Variants in ME1 observed in about 807,000 individuals in gnomAD.
ME1 encodes the protein malic enzyme 1.
A neutral mutation model predicts 66.4 loss-of-function variants in ME1; 74 were observed. That is an observed-to-expected ratio of 1.11 (90% CI 0.92 to 1.35). The LOEUF is 1.35. Among genes scored for constraint, ME1 ranks in the 40% most tolerant of loss-of-function variants. The pLI is 0.00. For synonymous variants in ME1, 251 were observed against 235.6 expected (o/e 1.07, Z -0.60); for missense variants, 750 against 694.1 (o/e 1.08, Z -0.90).
chr6:83,418,301 G>C (rs2128553141), intron 1 of ME1, among the ~76,000 whole-genome samples: 1 of 152,262 alleles, frequency 6.6e-6, no homozygotes, highest in East Asian at 1.9e-4. Context: ...GCAAGCTAGA[G>C]ACCCAAGAGA....
intron 6 of ME1, among the ~76,000 whole-genome samples, chr6:83,305,864 C>G (rs1305980211): frequency 6.6e-5 from 10 of 152,076 alleles, no homozygotes; most frequent in African/African-American, 2.4e-4. Flanking sequence ...CTTTCCGCAT[C>G]TTTAATCTCT....
intron 6 of ME1, among the ~76,000 whole-genome samples, chr6:83,313,574 T>A (rs1767969255): frequency 6.6e-6 from 1 of 152,310 alleles, no homozygotes; most frequent in East Asian, 1.9e-4. Context: ...AAAGTTGTCT[T>A]ATTTAGATAG....
At chr6:83,314,136 T>C (rs758878122) in intron 6 of ME1, among the ~76,000 whole-genome samples, 2 of 152,158 alleles carry the variant, frequency 1.3e-5, no homozygotes. Context: ...GTCAGTGTGA[T>C]AAAATTCTCT....
intron 5 of ME1, among the ~76,000 whole-genome samples, chr6:83,319,108 A>T (rs1425759890): frequency 1.3e-5 from 2 of 148,672 alleles, no homozygotes; most frequent in African/African-American, 2.5e-5. Context: ...AACAATGAGA[A>T]CACATGGACA....
intron 6 of ME1, among the ~76,000 whole-genome samples, chr6:83,302,052 A>T (rs1242473629): frequency 1.3e-5 from 2 of 152,202 alleles, no homozygotes; most frequent in Admixed American, 6.5e-5. Context: ...GAATCAACCT[A>T]AATGCCCATC....
At chr6:83,236,054 A>G (rs997968943) in intron 9 of ME1, among the ~76,000 whole-genome samples, 7 of 152,232 alleles carry the variant, frequency 4.6e-5, no homozygotes, top group South Asian at 4.1e-4. Context: ...AATAAAAAAT[A>G]ATATATACTA....
At chr6:83,237,280 G>GAGAAAGAAAGAAAGA (rs1790426961) in intron 9 of ME1, among the ~76,000 whole-genome samples, 1 of 21,624 alleles carries the variant, frequency 4.6e-5, no homozygotes, top group African/African-American at 1.4e-4. Flanking sequence ...AGAAAGAAAG[G>GAGAAAGAAAGAAAGA]AAGGAAGGAA....
rs142360123 is a variant in ME1, at chr6:83,403,748, G to A, written c.212+4020C>T. Among the ~76,000 whole-genome samples the A allele has an allele frequency of 1.3e-3, 195 of 152,214 alleles. 1 individual carries two copies. The highest frequency in any genetic ancestry group is 1.5e-3 in the Admixed American group (23 of 15,276). ...TTCCCACTTATGAGTGAGAACATGT[G>A]GTGTTTAGTTTTCTGTTCCTATGTC... On this transcript the variant is annotated intron_variant, in intron 2 of 13. Coordinates refer to ENST00000369705, the MANE Select transcript of ME1 (RefSeq NM_002395.6).
chr6:83,281,514 A>C (rs1168063978), intron 6 of ME1, among the ~76,000 whole-genome samples: 2 of 152,240 alleles, frequency 1.3e-5, no homozygotes, highest in South Asian at 2.1e-4. Flanking sequence ...GAAAATCAAC[A>C]CAAACTTCCG....
intron 6 of ME1, among the ~76,000 whole-genome samples, chr6:83,302,003 G>A (rs970829087): frequency 3.3e-5 from 5 of 152,010 alleles, no homozygotes; most frequent in South Asian, 4.1e-4. Flanking sequence ...ACATGCACAC[G>A]TTGTTCACTC....
intron 3 of ME1, among the ~76,000 whole-genome samples, chr6:83,380,969 A>ATT (rs1221580103): frequency 6.6e-6 from 1 of 152,136 alleles, no homozygotes; most frequent in Non-Finnish European, 1.5e-5. Context: ...AATGTATTAG[A>ATT]TATAGTTCAT....
At chr6:83,321,517 T>C (rs973000948) in intron 5 of ME1, among the ~76,000 whole-genome samples, 8 of 151,746 alleles carry the variant, frequency 5.3e-5, no homozygotes, top group African/African-American at 1.7e-4. Flanking sequence ...CCCCTCACAG[T>C]GTAAATAAAG....
chr6:83,398,741 G>A (rs1167987057), intron 2 of ME1, among the ~76,000 whole-genome samples: 1 of 152,174 alleles, frequency 6.6e-6, no homozygotes, highest in African/African-American at 2.4e-5. Flanking sequence ...GGAGGCTGAG[G>A]TGGGCGGATC....
intron 3 of ME1, chr6:83,393,292 G>A (rs1288293755): frequency 8.7e-6 from 11 of 1,263,540 alleles, no homozygotes; most frequent in Admixed American, 5.3e-5. Context: ...CTTCGATGCT[G>A]GGGCTGGCAT....
intron 5 of ME1, among the ~76,000 whole-genome samples, chr6:83,322,994 C>A (rs1346784173): frequency 6.6e-6 from 1 of 152,126 alleles, no homozygotes; most frequent in East Asian, 1.9e-4. Context: ...GAGTGGGGGC[C>A]AACATTCAAC....
At chr6:83,226,626 T>C (rs542146737) in intron 11 of ME1, among the ~76,000 whole-genome samples, 16 of 152,292 alleles carry the variant, frequency 1.1e-4, no homozygotes, top group Admixed American at 7.2e-4. Context: ...ATGATTAAAA[T>C]AGAGCCATTA....
intron 5 of ME1, among the ~76,000 whole-genome samples, chr6:83,321,809 C>A (rs904375767): frequency 6.6e-5 from 10 of 152,214 alleles, no homozygotes; most frequent in Admixed American, 1.3e-4. Flanking sequence ...TGCTAAGAAA[C>A]AGACTGCCTC....
intron 5 of ME1, among the ~76,000 whole-genome samples, chr6:83,340,228 T>C (rs1383137229): frequency 1.3e-5 from 2 of 152,166 alleles, no homozygotes; most frequent in East Asian, 3.9e-4. Context: ...AATGATAATT[T>C]TGTCTTTTCC....
chr6:83,250,810 A>C (rs1790710098), intron 7 of ME1, among the ~76,000 whole-genome samples: 2 of 152,238 alleles, frequency 1.3e-5, no homozygotes, highest in Admixed American at 1.3e-4. Flanking sequence ...TTTCATGTTT[A>C]ATTCTTTAGA....
Sources: gnomAD v4.1 joint callset for allele counts (sites outside exome capture counted in the v4.1 genomes callset) on GRCh38, gnomAD v4.1.1 for gene constraint, MANE v1.5 for transcripts, NCBI Gene and HGNC (gene_info 2026-07-23, HGNC 2026-07-21) for gene names.